DPYSL5: variants seen among roughly 807,000 people sequenced by gnomAD.
The protein encoded by DPYSL5 is dihydropyrimidinase like 5.
Under a neutral mutation model 58.4 loss-of-function variants are expected in DPYSL5, and 9 were observed. The ratio of observed to expected loss-of-function variants is 0.15; its 90% confidence interval spans 0.09 to 0.27. DPYSL5 has a LOEUF of 0.27. DPYSL5 is among the 10% of genes least tolerant of loss of function. The probability of loss-of-function intolerance (pLI) is 1.00; values close to 1 mark genes in which losing one functional copy is unlikely to be tolerated. For synonymous variants in DPYSL5, 293 were observed against 301.9 expected (o/e 0.97, Z 0.31); for missense variants, 499 against 770.6 (o/e 0.65, Z 4.17).
chr2:26,931,743 G>A, intron 6 of DPYSL5, 59 bp downstream of exon 6: 1 of 1,585,426 alleles, frequency 6.3e-7, no homozygotes, highest in Non-Finnish European at 8.7e-7. Flanking sequence ...GCACGGTGCT[G>A]ATGTCTGTAA....
intron 1 of DPYSL5, among the ~76,000 whole-genome samples, chr2:26,860,048 T>C (rs1052276314): frequency 3.9e-5 from 6 of 152,178 alleles, no homozygotes; most frequent in African/African-American, 1.4e-4. Context: ...AGTCATTTTA[T>C]CTCCTCAAGC....
At chr2:26,902,935 T>A (rs997651576) in intron 2 of DPYSL5, among the ~76,000 whole-genome samples, 2 of 151,662 alleles carry the variant, frequency 1.3e-5, no homozygotes, top group Non-Finnish European at 2.9e-5. Flanking sequence ...CTAGATGGTC[T>A]AAAAAAAAGG....
intron 2 of DPYSL5, among the ~76,000 whole-genome samples, chr2:26,922,694 C>T (rs369873039): frequency 4.3e-4 from 66 of 152,212 alleles, no homozygotes; most frequent in African/African-American, 1.5e-3. Context: ...TACACCCCCA[C>T]GTGCACATGT....
intron 1 of DPYSL5, among the ~76,000 whole-genome samples, chr2:26,868,215 T>C (rs1254976575): frequency 2.6e-5 from 4 of 152,250 alleles, no homozygotes; most frequent in African/African-American, 9.6e-5. Context: ...CTTTTTCCAA[T>C]CAATATGTTA....
At chr2:26,861,249 T>G (rs1666004613) in intron 1 of DPYSL5, among the ~76,000 whole-genome samples, 1 of 152,258 alleles carries the variant, frequency 6.6e-6, no homozygotes, top group Admixed American at 6.5e-5. Flanking sequence ...TATTGCTGAC[T>G]ATCAAATAGC....
rs931166773 is a variant in DPYSL5 at position 26,944,897 on chromosome 2, G to A, written c.1609+73G>A. ...GGCCCACCTAGGCAGTGGGACTTAC[G>A]CCTGCTTTTCTTTTGTGTCCTCTCC... On this transcript the variant is annotated intron_variant, in intron 12 of 12. Transcript: ENST00000288699. The surrounding 1 kb of genome is among the most constrained non-coding windows in gnomAD (Gnocchi z 4.4). The A allele has an allele frequency of 6.1e-6, 9 of 1,468,466 alleles. No homozygotes were observed. Among genetic ancestry groups the A allele is most frequent in the African/African-American group, 4.2e-5 (3 of 71,472 alleles). The allele number at this position is 1,468,466 out of a possible 1,614,324, so 91.0% of individuals were successfully genotyped here.
chr2:26,932,099 G>A (rs199977290), intron 6 of DPYSL5, among the ~76,000 whole-genome samples: 31,590 of 72,518 alleles, frequency 0.44, 8,144 homozygotes, highest in South Asian at 0.52. Context: ...AAAAGAAAGA[G>A]AAAGAAAGAA....
rs1364205616 is a variant in DPYSL5, at chr2:26,942,796, G to A, written c.1440+46G>A. ...TGCAGGGGTGTTGGCGCCCCCTGCC[G>A]GGGAACATCCTCCATGACTGTTTTA... On this transcript the variant is annotated intron_variant, in intron 11 of 12. Coordinates refer to ENST00000288699, the MANE Select transcript of DPYSL5 (RefSeq NM_020134.4). This position sits in a 1 kb window ranked among gnomAD's most constrained non-coding sequence, Gnocchi z 5.9. 2 of 1,587,386 alleles carry A rather than the reference G, an allele frequency of 1.3e-6. No individual in the cohort carries two copies. Among genetic ancestry groups the A allele is most frequent in the Non-Finnish European group, 1.7e-6 (2 of 1,158,110 alleles).
At chr2:26,874,395 G>A (rs1178665393) in intron 1 of DPYSL5, among the ~76,000 whole-genome samples, 2 of 152,054 alleles carry the variant, frequency 1.3e-5, no homozygotes, top group Non-Finnish European at 2.9e-5. Context: ...TCTATGATTA[G>A]GTCTATGATC....
At chr2:26,891,120 C>T (rs1663869926) in intron 1 of DPYSL5, among the ~76,000 whole-genome samples, 1 of 152,070 alleles carries the variant, frequency 6.6e-6, no homozygotes. Flanking sequence ...ACCTTAAGGA[C>T]GTTCTTTTAA....
intron 1 of DPYSL5, among the ~76,000 whole-genome samples, chr2:26,889,370 C>T (rs571864693): frequency 1.1e-3 from 163 of 152,038 alleles, no homozygotes; most frequent in African/African-American, 3.6e-3. Flanking sequence ...CCCGGGTTCA[C>T]GCCATTCTCC....
intron 1 of DPYSL5, among the ~76,000 whole-genome samples, chr2:26,897,262 C>T (rs143066361): frequency 6.6e-6 from 1 of 152,296 alleles, no homozygotes; most frequent in Non-Finnish European, 1.5e-5. Flanking sequence ...AGTATTTAGC[C>T]TTTCACCATT....
At chr2:26,864,175 G>A (rs1321068524) in intron 1 of DPYSL5, among the ~76,000 whole-genome samples, 1 of 152,192 alleles carries the variant, frequency 6.6e-6, no homozygotes, top group African/African-American at 2.4e-5. Flanking sequence ...AGGCCTGGAG[G>A]CGGAGGTTTC....
intron 1 of DPYSL5, among the ~76,000 whole-genome samples, chr2:26,860,404 G>A (rs1665981927): frequency 6.6e-6 from 1 of 152,188 alleles, no homozygotes; most frequent in Non-Finnish European, 1.5e-5. Flanking sequence ...GATGTCCTGT[G>A]ACAGACACCC....
intron 1 of DPYSL5, among the ~76,000 whole-genome samples, chr2:26,865,976 C>G (rs951074667): frequency 2.0e-5 from 3 of 152,140 alleles, no homozygotes; most frequent in African/African-American, 7.2e-5. Context: ...CCATCAGGGA[C>G]AGTGAGGGGC....
chr2:26,892,466 A>G (rs995336718), intron 1 of DPYSL5, among the ~76,000 whole-genome samples: 4 of 152,226 alleles, frequency 2.6e-5, no homozygotes, highest in African/African-American at 7.2e-5. Context: ...CATTTATAAC[A>G]TTGACATAAC....
At position 26,929,035 on chromosome 2, in the gene DPYSL5, C is replaced by T. The variant is rs538928005; in HGVS notation, c.669+712C>T. Among the ~76,000 whole-genome samples the T allele has an allele frequency of 1.8e-4, 28 of 151,948 alleles. 1 individual carries two copies. Among genetic ancestry groups the T allele is most frequent in the African/African-American group, 5.6e-4 (23 of 41,366 alleles). On this transcript the variant is annotated intron_variant, in intron 5 of 12. Coordinates refer to ENST00000288699, the MANE Select transcript of DPYSL5 (RefSeq NM_020134.4). ...CCCAGGTCATGAACCGGTACAGGACCGCAGAGCAGGAGGTGAGCAGCGGGC... is the reference window on the plus strand; with the variant it reads ...CCCAGGTCATGAACCGGTACAGGACTGCAGAGCAGGAGGTGAGCAGCGGGC...
chr2:26,864,288 C>A (rs572010662), intron 1 of DPYSL5, among the ~76,000 whole-genome samples: 1 of 152,308 alleles, frequency 6.6e-6, no homozygotes, highest in South Asian at 2.1e-4. Context: ...TTTAGCCCCA[C>A]AAGAGTGCTC....
At chr2:26,916,002 G>A (rs1392114187) in intron 2 of DPYSL5, among the ~76,000 whole-genome samples, 1 of 152,042 alleles carries the variant, frequency 6.6e-6, no homozygotes, top group Non-Finnish European at 1.5e-5. Context: ...TTAATTATTA[G>A]CAATTTTCAT....
Sources: allele counts gnomAD v4.1 joint callset (sites outside exome capture counted in the v4.1 genomes callset), GRCh38; gene constraint gnomAD v4.1.1; non-coding constraint Gnocchi (gnomAD v3.1); transcripts MANE v1.5; gene names NCBI Gene and HGNC (gene_info 2026-07-23, HGNC 2026-07-21).